IL1RAPL2: variants seen among roughly 807,000 people sequenced by gnomAD.
The protein encoded by IL1RAPL2 is interleukin 1 receptor accessory protein like 2, also known as X-linked interleukin-1 receptor accessory protein-like 2.
IL1RAPL2 carries 3 observed loss-of-function variants against 44.1 expected under a neutral mutation model. The ratio of observed to expected loss-of-function variants is 0.07; its 90% confidence interval spans 0.03 to 0.18. The LOEUF (loss-of-function observed/expected upper bound fraction) is 0.18. IL1RAPL2 is among the 10% of genes least tolerant of loss of function. IL1RAPL2 has a pLI of 1.00. For synonymous variants in IL1RAPL2, 181 were observed against 178.8 expected (o/e 1.01, Z -0.10); for missense variants, 391 against 496.4 (o/e 0.79, Z 2.02).
chrX:105,438,016 A>G (rs748303506), intron 5 of IL1RAPL2, among the ~76,000 whole-genome samples: 2 of 112,021 alleles, frequency 1.8e-5, no homozygotes, highest in Non-Finnish European at 3.8e-5. Flanking sequence ...AATAAAGAGC[A>G]TAACTCATCA....
intron 2 of IL1RAPL2, among the ~76,000 whole-genome samples, chrX:104,709,681 T>C (rs1450735390): frequency 3.6e-5 from 4 of 111,430 alleles, no homozygotes; most frequent in Non-Finnish European, 7.6e-5. Flanking sequence ...AAAACACTTT[T>C]ATGTATAACC....
chrX:105,377,255 C>A (rs1273309974), intron 5 of IL1RAPL2, among the ~76,000 whole-genome samples: 1 of 111,250 alleles, frequency 9.0e-6, no homozygotes, highest in Non-Finnish European at 1.9e-5. Context: ...TTGATCTAAT[C>A]ATTTCTTCAA....
intron 2 of IL1RAPL2, among the ~76,000 whole-genome samples, chrX:104,816,787 G>A (rs1014375615): frequency 1.8e-5 from 2 of 111,850 alleles, no homozygotes; most frequent in African/African-American, 6.5e-5. Context: ...ACCCTAAACA[G>A]TTACTTAACC....
At chrX:104,574,876 A>C (rs2147989840) in intron 1 of IL1RAPL2, among the ~76,000 whole-genome samples, 2 of 112,305 alleles carry the variant, frequency 1.8e-5, no homozygotes, top group South Asian at 3.6e-4. Context: ...ATGTATAGAA[A>C]GTTTTTCACC....
intron 4 of IL1RAPL2, among the ~76,000 whole-genome samples, chrX:105,255,072 C>T (rs1000155058): frequency 1.8e-5 from 2 of 109,816 alleles, no homozygotes; most frequent in South Asian, 7.6e-4. Context: ...AATTTCAAGT[C>T]CTGTGAAGAA....
chrX:104,910,311 C>A (rs778664788), intron 2 of IL1RAPL2, among the ~76,000 whole-genome samples: 2 of 112,271 alleles, frequency 1.8e-5, no homozygotes, highest in Non-Finnish European at 3.8e-5. Flanking sequence ...AATCACCTGT[C>A]TTCTGCGTTG....
intron 2 of IL1RAPL2, among the ~76,000 whole-genome samples, chrX:105,066,939 T>C (rs1159159974): frequency 2.7e-5 from 3 of 111,572 alleles, no homozygotes; most frequent in African/African-American, 6.5e-5. Context: ...AGGAGGGTGC[T>C]TTAAGAATTT....
intron 2 of IL1RAPL2, among the ~76,000 whole-genome samples, chrX:104,735,104 GAAAT>G (rs1223696180): frequency 1.8e-5 from 2 of 111,706 alleles, no homozygotes; most frequent in Non-Finnish European, 3.8e-5. Context: ...GCATGGAAGA[GAAAT>G]AAAATCTTTA....
intron 8 of IL1RAPL2, among the ~76,000 whole-genome samples, chrX:105,747,219 A>C (rs1412912733): frequency 9.2e-6 from 1 of 108,969 alleles, no homozygotes; most frequent in Non-Finnish European, 1.9e-5. Flanking sequence ...TTTGTGGCTT[A>C]GTTTTTTAAA....
chrX:105,074,249 T>A (rs2032254448), intron 2 of IL1RAPL2, among the ~76,000 whole-genome samples: 2 of 111,955 alleles, frequency 1.8e-5, no homozygotes, highest in Admixed American at 9.5e-5. Context: ...CAGTTTCAGC[T>A]TTCTACTCAT....
At chrX:104,820,036 A>G (rs1394337985) in intron 2 of IL1RAPL2, among the ~76,000 whole-genome samples, 1 of 111,339 alleles carries the variant, frequency 9.0e-6, no homozygotes, top group Non-Finnish European at 1.9e-5. Context: ...TAAATATATG[A>G]TCAGTTTTCC....
intron 2 of IL1RAPL2, among the ~76,000 whole-genome samples, chrX:104,732,240 A>G (rs1008021666): frequency 1.4e-4 from 16 of 111,580 alleles, no homozygotes; most frequent in African/African-American, 5.2e-4. Context: ...TAGAAAAGGA[A>G]CAAGATAGTT....
intron 2 of IL1RAPL2, among the ~76,000 whole-genome samples, chrX:104,845,384 G>C (rs761785351): frequency 8.9e-6 from 1 of 112,196 alleles, no homozygotes; most frequent in Non-Finnish European, 1.9e-5. Context: ...CAGAGAGAGA[G>C]GATCTCTAAG....
chrX:105,632,463 A>G (rs2037497907), intron 6 of IL1RAPL2, among the ~76,000 whole-genome samples: 3 of 111,369 alleles, frequency 2.7e-5, no homozygotes, highest in Non-Finnish European at 5.7e-5. Flanking sequence ...AGATTTGTTG[A>G]CAGCATCAAG....
intron 2 of IL1RAPL2, among the ~76,000 whole-genome samples, chrX:104,729,447 CTTTTTTTTTTTT>C (rs5903245): frequency 2.2e-5 from 1 of 46,481 alleles, no homozygotes; most frequent in Non-Finnish European, 4.0e-5. Context: ...GGCCTGCTGC[CTTTTTTTTTTTT>C]TTTTTTTTTT....
intron 2 of IL1RAPL2, among the ~76,000 whole-genome samples, chrX:105,058,173 G>A (rs113272414): frequency 3.6e-5 from 4 of 109,720 alleles, no homozygotes; most frequent in African/African-American, 1.0e-4. Flanking sequence ...GGATGGTCTC[G>A]ATCTCCTGAC....
chrX:105,734,370 T>A (rs2038430222), intron 7 of IL1RAPL2, among the ~76,000 whole-genome samples: 1 of 110,224 alleles, frequency 9.1e-6, no homozygotes, highest in African/African-American at 3.3e-5. Context: ...TAGGTCATGA[T>A]AAAGTGGTTT....
chrX:105,102,660 T>C (rs1164782419), intron 2 of IL1RAPL2, among the ~76,000 whole-genome samples: 1 of 111,738 alleles, frequency 8.9e-6, no homozygotes, highest in East Asian at 2.8e-4. Context: ...TGTGTGTATA[T>C]ATGTGTATAT....
chrX:104,949,725 A>G (rs1372176070), intron 2 of IL1RAPL2, among the ~76,000 whole-genome samples: 2 of 111,002 alleles, frequency 1.8e-5, no homozygotes, highest in Admixed American at 9.6e-5. Flanking sequence ...GTAGTTGAGC[A>G]GTTTTGAGTG....
Sources: gnomAD v4.1 joint callset for allele counts (sites outside exome capture counted in the v4.1 genomes callset) on GRCh38, gnomAD v4.1.1 for gene constraint, MANE v1.5 for transcripts, NCBI Gene and HGNC (gene_info 2026-07-23, HGNC 2026-07-21) for gene names.